The following MAPK10 variants were observed in gnomAD, a reference collection of about 807,000 sequenced individuals.
MAPK10 encodes mitogen-activated protein kinase 10, also known as JNK3 alpha protein kinase.
A neutral mutation model predicts 59.3 loss-of-function variants in MAPK10; 25 were observed. The observed-to-expected ratio is 0.42, with a 90% CI of 0.31 to 0.59. The LOEUF is 0.59. Among genes scored for constraint, MAPK10 ranks in the 20% least tolerant of loss-of-function variants. The pLI is 0.15. For missense variants in MAPK10, 351 were observed against 568.9 expected (o/e 0.62, Z 3.90); for synonymous variants, 190 against 200.5 (o/e 0.95, Z 0.44).
chr4:86,137,487 G>A (rs1268230431), intron 4 of MAPK10, among the ~76,000 whole-genome samples: 508 of 123,050 alleles, frequency 4.1e-3, no homozygotes, highest in Middle Eastern at 8.1e-3. Flanking sequence ...TGAAACCAAC[G>A]AGAACAAAGA....
intron 1 of MAPK10, among the ~76,000 whole-genome samples, chr4:86,390,013 C>T (rs1226729138): frequency 6.6e-6 from 1 of 152,202 alleles, no homozygotes; most frequent in East Asian, 1.9e-4. Flanking sequence ...GATTGACCAT[C>T]AACTAAATAT....
intron 2 of MAPK10, among the ~76,000 whole-genome samples, chr4:86,341,085 T>C (rs1373991518): frequency 6.6e-6 from 1 of 152,172 alleles, no homozygotes; most frequent in Non-Finnish European, 1.5e-5. Context: ...TCTATGTAAC[T>C]ATGACACAAA....
intron 1 of MAPK10, among the ~76,000 whole-genome samples, chr4:86,530,138 G>A (rs1168745701): frequency 6.6e-6 from 1 of 150,426 alleles, no homozygotes; most frequent in African/African-American, 2.5e-5. Context: ...AATCTTCAGG[G>A]CTGTGTCCAG....
intron 9 of MAPK10, chr4:86,080,619 T>C (rs1431152222): frequency 6.6e-6 from 1 of 151,774 alleles, no homozygotes; most frequent in African/African-American, 2.4e-5. Context: ...ATGTAAGAAG[T>C]AGTGGTAAGC....
chr4:86,158,081 T>C (rs933939505), intron 4 of MAPK10, among the ~76,000 whole-genome samples: 1 of 152,018 alleles, frequency 6.6e-6, no homozygotes, highest in Non-Finnish European at 1.5e-5. Flanking sequence ...TGTCTTAATA[T>C]TAGAATCTTT....
At chr4:86,305,590 G>T (rs2095552933) in intron 2 of MAPK10, among the ~76,000 whole-genome samples, 1 of 152,062 alleles carries the variant, frequency 6.6e-6, no homozygotes, top group Non-Finnish European at 1.5e-5. Flanking sequence ...AGGCTAAGGT[G>T]GGGGAATCAC....
At chr4:86,136,963 T>A (rs1409138081) in intron 4 of MAPK10, among the ~76,000 whole-genome samples, 1 of 152,170 alleles carries the variant, frequency 6.6e-6, no homozygotes, top group South Asian at 2.1e-4. Context: ...GGTAAAGTGA[T>A]CAATTCAACA....
chr4:86,276,354 G>A (rs550508172), intron 2 of MAPK10, among the ~76,000 whole-genome samples: 1 of 151,814 alleles, frequency 6.6e-6, no homozygotes, highest in East Asian at 1.9e-4. Context: ...TCATTTCTCA[G>A]AAAACCCTTC....
intron 1 of MAPK10, among the ~76,000 whole-genome samples, chr4:86,409,216 G>A (rs549121952): frequency 8.5e-5 from 13 of 152,182 alleles, no homozygotes; most frequent in Admixed American, 2.6e-4. Flanking sequence ...GGTTGTAGAC[G>A]TGTGGTGTTA....
At chr4:86,250,321 G>A (rs2093346589) in intron 2 of MAPK10, among the ~76,000 whole-genome samples, 1 of 152,078 alleles carries the variant, frequency 6.6e-6, no homozygotes. Context: ...TCCTTATACT[G>A]TATTTGTGGT....
At chr4:86,430,766 G>A (rs1479966115) in intron 1 of MAPK10, among the ~76,000 whole-genome samples, 1 of 152,114 alleles carries the variant, frequency 6.6e-6, no homozygotes, top group African/African-American at 2.4e-5. Context: ...TAGAGGAAAA[G>A]GGAAAAAACG....
At chr4:86,554,667 G>A (rs752915110) in intron 1 of MAPK10, among the ~76,000 whole-genome samples, 27 of 151,942 alleles carry the variant, frequency 1.8e-4, no homozygotes, top group African/African-American at 5.8e-4. Context: ...GTCCTATCTG[G>A]TCCCTCCCCC....
chr4:86,083,658 C>T (rs2051145403), intron 9 of MAPK10, among the ~76,000 whole-genome samples: 1 of 152,152 alleles, frequency 6.6e-6, no homozygotes, highest in African/African-American at 2.4e-5. Flanking sequence ...AGTCCTAGTC[C>T]TGAACTGGGC....
Position 86,090,098 on chromosome 4 carries a change from G to A in MAPK10, c.802+8426C>T, listed in dbSNP as rs2052787781. ...AGGAAGCCAGGGCAGAGCGCACAGA[G>A]GGAGGGGCAAAATGGGGAAGGGTGA... On this transcript the variant is annotated intron_variant, in intron 9 of 13. Coordinates refer to ENST00000641462, the MANE Select transcript of MAPK10 (RefSeq NM_138982.4). 3.9e-5 allele frequency among the ~76,000 whole-genome samples: 6 copies of A among 152,220 alleles called. 1 individual carries two copies. The South Asian group carries it at 1.2e-3, about 32-fold the overall frequency.
chr4:86,274,539 C>G (rs928098903), intron 2 of MAPK10, among the ~76,000 whole-genome samples: 4 of 151,876 alleles, frequency 2.6e-5, no homozygotes, highest in Admixed American at 2.6e-4. Flanking sequence ...AACCTCCTTT[C>G]CTATCTTGCT....
chr4:86,150,846 A>C (rs113687239), intron 4 of MAPK10, among the ~76,000 whole-genome samples: 27,185 of 152,104 alleles, frequency 0.18, 2,540 homozygotes, highest in African/African-American at 0.21. Flanking sequence ...TGGGCGACAG[A>C]GTGAGACTCC....
In MAPK10 at chr4:86,276,021, G is replaced by A. The variant is rs141370340; in HGVS notation, c.-7+78509C>T. Among the ~76,000 whole-genome samples, 443 of 152,130 alleles carry A rather than the reference G, an allele frequency of 2.9e-3. 3 individuals are homozygous for A. The highest frequency in any genetic ancestry group is 4.8e-3 in the Admixed American group (73 of 15,264). ...CTAGAATCCACAAGTTGTTTAATAA[G>A]TATTGTAACATTGAAAACATACTTT... On this transcript the variant is annotated intron_variant, in intron 2 of 13. Transcript: ENST00000641462.
At chr4:86,107,410 C>G (rs2056741732) in intron 4 of MAPK10, 58 bp from the exon 5 acceptor site, 1 of 1,571,750 alleles carries the variant, frequency 6.4e-7, no homozygotes, top group South Asian at 1.2e-5. Flanking sequence ...AGAACTCTTG[C>G]CTACTTGATT....
intron 4 of MAPK10, among the ~76,000 whole-genome samples, chr4:86,126,376 G>A (rs900949633): frequency 2.0e-5 from 3 of 151,930 alleles, no homozygotes; most frequent in Non-Finnish European, 2.9e-5. Flanking sequence ...CATCTATTAT[G>A]TTTTATCACA....
Sources: allele counts gnomAD v4.1 joint callset (sites outside exome capture counted in the v4.1 genomes callset), GRCh38; gene constraint gnomAD v4.1.1; transcripts MANE v1.5; gene names NCBI Gene and HGNC (gene_info 2026-07-23, HGNC 2026-07-21).